The following OTUD4 variants were observed in gnomAD, a reference collection of about 807,000 sequenced individuals.
The protein encoded by OTUD4 is OTU deubiquitinase 4, also known as OTU domain-containing protein 4.
Under a neutral mutation model 130.4 loss-of-function variants are expected in OTUD4, and 24 were observed. The ratio of observed to expected loss-of-function variants is 0.18; its 90% confidence interval spans 0.13 to 0.26. The LOEUF (loss-of-function observed/expected upper bound fraction) is 0.26, where lower values mean the gene tolerates loss of function less well. Ranked by LOEUF, OTUD4 falls within the 10% of genes least tolerant of loss-of-function variation. The pLI, the probability that OTUD4 is intolerant of heterozygous loss-of-function variation, is 1.00. For synonymous variants in OTUD4, 420 were observed against 472.5 expected, an observed-to-expected ratio of 0.89 and a Z score of 1.44; for missense variants, 1,031 against 1,329.4, an observed-to-expected ratio of 0.78 and a Z score of 3.49.
intron 7 of OTUD4, among the ~76,000 whole-genome samples, chr4:145,158,566 T>C (rs1292649984): frequency 6.6e-6 from 1 of 152,022 alleles, no homozygotes; most frequent in Non-Finnish European, 1.5e-5. Flanking sequence ...ATTTTTATAA[T>C]AAAGAATTAG....
At chr4:145,155,738 T>C in intron 8 of OTUD4, 52 bp from the exon 9 acceptor site, 3 of 1,240,794 alleles carry the variant, frequency 2.4e-6, no homozygotes, top group Non-Finnish European at 3.4e-6. Context: ...TAAAACATTT[T>C]TGTTTGAGAT....
At position 145,137,979 on chromosome 4, in the gene OTUD4, C is replaced by T. The variant is rs769143532; in HGVS notation, c.2796G>A (p.Pro932=). Residue 932 remains proline, a synonymous_variant, in exon 21 of 21, where the codon CCG becomes CCA. Coordinates refer to ENST00000447906, the MANE Select transcript of OTUD4 (RefSeq NM_001366057.1). The part of the protein sequence containing the change: ...SLPEASVSSK[P]DEGRTEQSSQ... Reference sequence around the variant, plus strand: ...AAGATTGCTCTGTCCGGCCTTCGTCCGGCTTACTGCTCACACTTGCTTCAG... The same window carrying T: ...AAGATTGCTCTGTCCGGCCTTCGTCTGGCTTACTGCTCACACTTGCTTCAG... 1.9e-5 allele frequency: 30 copies of T among 1,614,074 alleles called. No individual in the cohort carries two copies. The highest frequency in any genetic ancestry group is 7.7e-5 in the South Asian group (7 of 91,090).
Position 145,141,720 on chromosome 4 carries a change from G to A in OTUD4, c.1823-81C>T. Reference sequence around the variant, plus strand: ...ATGCTTACATTAACCTATAAAGAATGCTGTATAACTGATAAAGCCAATCTA... The same window carrying A: ...ATGCTTACATTAACCTATAAAGAATACTGTATAACTGATAAAGCCAATCTA... On this transcript the variant is annotated intron_variant, in intron 18 of 20. Coordinates refer to ENST00000447906, the MANE Select transcript of OTUD4 (RefSeq NM_001366057.1). 4 of 1,268,232 alleles carry A rather than the reference G, an allele frequency of 3.2e-6. 1 individual carries two copies. The highest frequency in any genetic ancestry group is 2.6e-4 in the Middle Eastern group (1 of 3,826). 78.6% of individuals were successfully genotyped at this position (1,268,232 alleles called of 1,614,324 possible).
chr4:145,179,753 AC>A, intron 1 of OTUD4, 61 bp downstream of exon 1: 1 of 945,950 alleles, frequency 1.1e-6, no homozygotes, highest in Non-Finnish European at 1.4e-6. Flanking sequence ...CTGCCTCCCC[AC>A]CCAGACCCGC....
Position 145,150,786 on chromosome 4 carries a change from CTTGATG to C in OTUD4, c.1072+10_1072+15del. 2 of 1,608,162 alleles carry C rather than the reference CTTGATG, an allele frequency of 1.2e-6. No homozygotes were observed. Among genetic ancestry groups the C allele is most frequent in the African/African-American group, 2.7e-5 (2 of 74,904 alleles). ...CATCCCAATCCCAAAGGAATGATAG[CTTGATG>C]TGCTCCTACCAGAATGGAAATTTTG... On this transcript the variant is annotated intron_variant, in intron 12 of 20. Coordinates refer to ENST00000447906, the MANE Select transcript of OTUD4 (RefSeq NM_001366057.1).
At position 145,179,637 on chromosome 4, in the gene OTUD4, C is replaced by T. The variant is rs555837360; in HGVS notation, c.159+178G>A. On this transcript the variant is annotated intron_variant, in intron 1 of 20. Transcript: ENST00000447906. ...GCGGGCTTTCGAGTTTCAATTTGCA[C>T]CTTTCAGACGCAAAGCAGCGTCCCA... is the stretch of plus-strand genomic sequence containing the variant. The T allele has an allele frequency of 4.4e-4, 616 of 1,397,310 alleles. 3 individuals are homozygous for T. The Middle Eastern group carries it at 0.012, about 27-fold the overall frequency. The allele number at this position is 1,397,310 out of a possible 1,614,324, so 86.6% of individuals were successfully genotyped here.
At chr4:145,155,331 C>T in intron 10 of OTUD4, 80 bp downstream of exon 10, 4 of 1,047,350 alleles carry the variant, frequency 3.8e-6, no homozygotes, top group Non-Finnish European at 5.9e-6. Flanking sequence ...CACATTCACA[C>T]CTCAGCTGTT....
chr4:145,155,933 T>C lies in OTUD4; in HGVS notation c.690+3A>G. On this transcript the variant is annotated splice_donor_region_variant and intron_variant, in intron 8 of 20. Transcript: ENST00000447906. ...CATTTAAAACCACTTTTAAAAAAAA[T>C]ACCTCATTGCCTGACAAAGGTTTAA... 1 of 1,601,818 alleles carries C rather than the reference T, an allele frequency of 6.2e-7. No individual in the cohort carries two copies. Among genetic ancestry groups the C allele is most frequent in the Non-Finnish European group, 8.5e-7 (1 of 1,174,682 alleles).
chr4:145,176,165 G>T (rs1345776012), intron 1 of OTUD4, among the ~76,000 whole-genome samples: 1 of 151,082 alleles, frequency 6.6e-6, no homozygotes, highest in Non-Finnish European at 1.5e-5. Context: ...CAAAGTGCTG[G>T]GATTACAGAC....
In OTUD4 at chr4:145,155,681, C is replaced by T. The variant is rs753844957; in HGVS notation, c.696G>A (p.Leu232=). The stretch of plus-strand genomic sequence containing the variant: ...GGCTAGTAGAGTTCCCATTGTTCTT[C>T]AGCTGCTAAACAAAGTCAGGAAGTC... The part of the protein sequence containing the change: ...GFKPLSGNEQ[L]KNNGNSTSLP... The change falls in exon 9 of 21, where the codon CTG becomes CTA. Residue 232 remains leucine, a synonymous_variant. Coordinates refer to ENST00000447906, the MANE Select transcript of OTUD4 (RefSeq NM_001366057.1). The T allele has an allele frequency of 6.3e-6, 10 of 1,590,532 alleles. No homozygotes were observed. The highest frequency in any genetic ancestry group is 4.6e-5 in the South Asian group (4 of 86,754).
At chr4:145,142,137 T>G in intron 18 of OTUD4, 59 bp downstream of exon 18, 5 of 1,483,386 alleles carry the variant, frequency 3.4e-6, no homozygotes, top group Non-Finnish European at 4.6e-6. Context: ...CTCAAGAATT[T>G]GAAGTCTCTG....
intron 11 of OTUD4, among the ~76,000 whole-genome samples, chr4:145,152,335 T>G (rs1247211421): frequency 6.6e-6 from 1 of 152,062 alleles, no homozygotes; most frequent in Non-Finnish European, 1.5e-5. Context: ...ATGATCTTGA[T>G]CTCCTGACCT....
intron 7 of OTUD4, among the ~76,000 whole-genome samples, chr4:145,157,785 T>C (rs1300796297): frequency 1.4e-5 from 2 of 145,448 alleles, no homozygotes; most frequent in Non-Finnish European, 3.0e-5. Flanking sequence ...AAAAACACAA[T>C]AGTGAACACA....
Position 145,133,874 on chromosome 4 carries a change from GTA to G in OTUD4, c.*3554_*3555del, listed in dbSNP as rs1220699255. The G allele has an allele frequency of 2.0e-5, 3 of 152,594 alleles. No homozygotes were observed. The highest frequency in any genetic ancestry group is 4.4e-5 in the Non-Finnish European group (3 of 68,030). The allele number at this position is 152,594 out of a possible 1,614,324, so 9.5% of individuals were successfully genotyped here. A position where few individuals can be genotyped will look rare whatever the true frequency, so the allele number is the denominator to read the frequency against. On this transcript the variant is annotated 3_prime_UTR_variant, in exon 21 of 21. Coordinates refer to ENST00000447906, the MANE Select transcript of OTUD4 (RefSeq NM_001366057.1). ...TTCCTTTTAACACTTCAAAAGATAT[GTA>G]TATATACTTTTTTTTACAAGTAACA...
At position 145,166,436 on chromosome 4, in the gene OTUD4, A is replaced by G. The variant is rs549803015; in HGVS notation, c.295-1239T>C. ...ACTTCTATACGTCTATCATAAAGAA[A>G]TATTTCACATCTACAAAAGTGTATG... On this transcript the variant is annotated intron_variant, in intron 3 of 20. Transcript: ENST00000447906. 3.9e-5 allele frequency among the ~76,000 whole-genome samples: 6 copies of G among 152,286 alleles called. No individual in the cohort carries two copies. In the South Asian group the frequency reaches 1.2e-3, roughly 32 times the overall value.
chr4:145,164,614 C>T (rs1751754643), intron 4 of OTUD4, among the ~76,000 whole-genome samples: 1 of 152,076 alleles, frequency 6.6e-6, no homozygotes, highest in Non-Finnish European at 1.5e-5. Flanking sequence ...GCCAAAATCC[C>T]AAATGTTCCA....
chr4:145,148,932 G>C (rs1423633668), intron 13 of OTUD4, among the ~76,000 whole-genome samples: 1 of 152,192 alleles, frequency 6.6e-6, no homozygotes, highest in Non-Finnish European at 1.5e-5. Context: ...GCCATAACTA[G>C]TTGATTAGTG....
Position 145,164,217 on chromosome 4 carries a change from A to G in OTUD4, c.351T>C (p.Phe117=). 1 of 1,327,668 alleles carries G rather than the reference A, an allele frequency of 7.5e-7. No individual in the cohort carries two copies. Among genetic ancestry groups the G allele is most frequent in the Non-Finnish European group, 1.1e-6 (1 of 946,546 alleles). 82.2% of individuals were successfully genotyped at this position (1,327,668 alleles called of 1,614,324 possible). The change falls in exon 5 of 21, where the codon TTT becomes TTC. Residue 117 remains phenylalanine, a synonymous_variant. Transcript: ENST00000447906. The part of the protein sequence containing the change: ...SALSLMYRKD[F]IIYREPNVSP... The stretch of plus-strand genomic sequence containing the variant: ...AAACATTTGGTTCCCGATAAATTAT[A>G]AAATCTTTCCTGAAAATAACAATTA...
chr4:145,176,042 CTT>C (rs70956828), intron 1 of OTUD4, among the ~76,000 whole-genome samples: 14,528 of 143,958 alleles, frequency 0.1, 1,397 homozygotes, highest in East Asian at 0.46. Flanking sequence ...TTCTTTCTTT[CTT>C]TTTTTTTTTT....
Sources: allele counts gnomAD v4.1 joint callset (sites outside exome capture counted in the v4.1 genomes callset), GRCh38; gene constraint gnomAD v4.1.1; transcripts MANE v1.5; gene names NCBI Gene and HGNC (gene_info 2026-07-23, HGNC 2026-07-21).